ARHGEF28: variants seen among roughly 807,000 people sequenced by gnomAD.
ARHGEF28 encodes the protein Rho guanine nucleotide exchange factor 28, also known as 190 kDa guanine nucleotide exchange factor.
In ARHGEF28, 152 loss-of-function variants were observed where a neutral mutation model predicts 206.6. The observed-to-expected ratio is 0.74, with a 90% CI of 0.64 to 0.84. The LOEUF is 0.84. ARHGEF28 is among the 40% of genes least tolerant of loss of function. The pLI is 0.00. For synonymous variants in ARHGEF28, 763 were observed against 776.4 expected (o/e 0.98, Z 0.29); for missense variants, 2,028 against 2,073.2 (o/e 0.98, Z 0.42).
chr5:73,866,185 T>A (rs753421772), intron 18 of ARHGEF28, among the ~76,000 whole-genome samples, 172 bp downstream of exon 18: 1 of 152,236 alleles, frequency 6.6e-6, no homozygotes, highest in Non-Finnish European at 1.5e-5. Flanking sequence ...GGCTATCAAC[T>A]TCTAGGTCAA....
At chr5:73,639,209 G>A (rs1191569003) in intron 1 of ARHGEF28, among the ~76,000 whole-genome samples, 2 of 148,224 alleles carry the variant, frequency 1.3e-5, no homozygotes, top group Non-Finnish European at 3.0e-5. Flanking sequence ...AGATTAGGGA[G>A]GATTTTCATT....
chr5:73,713,050 C>A (rs6872133), intron 2 of ARHGEF28, among the ~76,000 whole-genome samples: 40,482 of 151,980 alleles, frequency 0.27, 6,138 homozygotes, highest in African/African-American at 0.41. Context: ...GGTAAATTCA[C>A]CCACCCTAAG....
intron 2 of ARHGEF28, among the ~76,000 whole-genome samples, chr5:73,716,160 G>A (rs1051692175): frequency 2.0e-5 from 3 of 151,952 alleles, no homozygotes; most frequent in African/African-American, 7.3e-5. Context: ...GTAATGCACC[G>A]GCACCTTTAT....
At chr5:73,665,798 T>C (rs1265292158) in intron 1 of ARHGEF28, among the ~76,000 whole-genome samples, 1 of 152,134 alleles carries the variant, frequency 6.6e-6, no homozygotes, top group South Asian at 2.1e-4. Context: ...TACTGTTGCA[T>C]TGGGGATTAA....
chr5:73,923,334 T>C lies in ARHGEF28; in HGVS notation c.4948+11759T>C, dbSNP rs2973532. Among the ~76,000 whole-genome samples the C allele has an allele frequency of 0.07, 10,712 of 152,256 alleles. 501 individuals are homozygous for C. The highest frequency in any genetic ancestry group is 0.2 in the South Asian group (967 of 4,826). On this transcript the variant is annotated intron_variant, in intron 35 of 35. Coordinates refer to ENST00000513042, the MANE Select transcript of ARHGEF28 (RefSeq NM_001177693.2). Reference sequence around the variant, plus strand: ...GTCTTTATGAGCTCCCTTTCTCTGATGAGCTGGCTATGAGTCCGTTACCTT... The same window carrying C: ...GTCTTTATGAGCTCCCTTTCTCTGACGAGCTGGCTATGAGTCCGTTACCTT...
chr5:73,728,396 T>C (rs952165349), intron 2 of ARHGEF28, among the ~76,000 whole-genome samples: 1 of 152,220 alleles, frequency 6.6e-6, no homozygotes, highest in African/African-American at 2.4e-5. Flanking sequence ...GCCTTGCAAG[T>C]CTGAAAACAA....
chr5:73,710,798 G>A (rs956804911), intron 2 of ARHGEF28, among the ~76,000 whole-genome samples: 8 of 152,152 alleles, frequency 5.3e-5, no homozygotes, highest in Non-Finnish European at 1.2e-4. Context: ...TGCCTCGCGG[G>A]TTCAAGTGAT....
At chr5:73,693,629 C>T (rs562276624) in intron 2 of ARHGEF28, among the ~76,000 whole-genome samples, 4 of 152,206 alleles carry the variant, frequency 2.6e-5, no homozygotes, top group South Asian at 2.1e-4. Context: ...TTCTAGATCA[C>T]GTGTTTACTT....
At chr5:73,684,652 T>C (rs986253493) in intron 1 of ARHGEF28, among the ~76,000 whole-genome samples, 189 bp from the exon 2 acceptor site, 23 of 152,232 alleles carry the variant, frequency 1.5e-4, no homozygotes, top group Admixed American at 8.5e-4. Context: ...GCCATCATAT[T>C]GTGTTCTAGG....
intron 35 of ARHGEF28, among the ~76,000 whole-genome samples, chr5:73,916,239 C>A (rs927925941): frequency 1.3e-5 from 2 of 152,078 alleles, no homozygotes; most frequent in African/African-American, 4.8e-5. Context: ...GAAATTGACA[C>A]CTTACTTGTG....
chr5:73,863,777 A>G (rs1759540606), intron 16 of ARHGEF28, among the ~76,000 whole-genome samples: 1 of 151,298 alleles, frequency 6.6e-6, no homozygotes. Flanking sequence ...TTTCCCTATT[A>G]TTTACTCACT....
intron 35 of ARHGEF28, among the ~76,000 whole-genome samples, chr5:73,926,217 T>G (rs1000471406): frequency 6.6e-6 from 1 of 152,132 alleles, no homozygotes; most frequent in Non-Finnish European, 1.5e-5. Context: ...TGAGAAAAAA[T>G]GAATGCTCTG....
At chr5:73,789,477 C>G (rs1021565067) in intron 7 of ARHGEF28, among the ~76,000 whole-genome samples, 1 of 151,818 alleles carries the variant, frequency 6.6e-6, no homozygotes, top group African/African-American at 2.4e-5. Flanking sequence ...ATGAAAATAT[C>G]CTAAAATTGA....
At chr5:73,767,071 C>T (rs1461798220) in intron 4 of ARHGEF28, among the ~76,000 whole-genome samples, 1 of 152,152 alleles carries the variant, frequency 6.6e-6, no homozygotes, top group Non-Finnish European at 1.5e-5. Flanking sequence ...AGTTTCCCTG[C>T]ACAAGCTCTC....
intron 9 of ARHGEF28, among the ~76,000 whole-genome samples, chr5:73,810,063 A>G (rs1304282378): frequency 6.6e-6 from 1 of 152,246 alleles, no homozygotes; most frequent in African/African-American, 2.4e-5. Flanking sequence ...TAAATGATCC[A>G]CATTCAGAAG....
At chr5:73,794,589 T>G in intron 8 of ARHGEF28, 135 bp downstream of exon 8, 1 of 778,488 alleles carries the variant, frequency 1.3e-6, no homozygotes, top group Admixed American at 3.1e-5. Context: ...TAATGTGAAA[T>G]TCTGTTTTCT....
chr5:73,871,764 T>C, intron 21 of ARHGEF28, among the ~76,000 whole-genome samples: 1 of 152,226 alleles, frequency 6.6e-6, no homozygotes. Context: ...CACTCCCCAT[T>C]TACCCCTTCC....
intron 35 of ARHGEF28, among the ~76,000 whole-genome samples, chr5:73,929,752 C>T (rs1430119130): frequency 6.6e-6 from 1 of 152,020 alleles, no homozygotes; most frequent in Non-Finnish European, 1.5e-5. Flanking sequence ...CTTTGTTTTT[C>T]CTACTTAGGG....
chr5:73,763,676 T>A (rs1380046118), intron 4 of ARHGEF28, among the ~76,000 whole-genome samples: 1 of 152,186 alleles, frequency 6.6e-6, no homozygotes, highest in Non-Finnish European at 1.5e-5. Context: ...CAGTTGGCTA[T>A]CAGCAAATAT....
Sources: allele counts gnomAD v4.1 joint callset (sites outside exome capture counted in the v4.1 genomes callset), GRCh38; gene constraint gnomAD v4.1.1; transcripts MANE v1.5; gene names NCBI Gene and HGNC (gene_info 2026-07-23, HGNC 2026-07-21).